Variants in NETO1 observed in about 807,000 individuals in gnomAD.
NETO1 encodes the protein neuropilin and tolloid like 1, also known as neuropilin and tolloid-like protein 1.
Under a neutral mutation model 61.3 loss-of-function variants are expected in NETO1, and 26 were observed. The observed-to-expected ratio is 0.42, with a 90% CI of 0.31 to 0.59. The LOEUF (loss-of-function observed/expected upper bound fraction) is 0.59. Ranked by LOEUF, NETO1 falls within the 20% of genes least tolerant of loss-of-function variation. NETO1 has a pLI of 0.12. For synonymous variants in NETO1, 225 were observed against 225.8 expected (o/e 1.00, Z 0.03); for missense variants, 531 against 662.8 (o/e 0.80, Z 2.18).
chr18:72,854,383 C>A (rs80146338), intron 4 of NETO1, among the ~76,000 whole-genome samples: 2 of 152,118 alleles, frequency 1.3e-5, no homozygotes, highest in Non-Finnish European at 2.9e-5. Flanking sequence ...AAAACTAGTA[C>A]AGGAAAACTA....
At chr18:72,773,302 C>T (rs1177590986) in intron 7 of NETO1, among the ~76,000 whole-genome samples, 1 of 152,028 alleles carries the variant, frequency 6.6e-6, no homozygotes, top group Non-Finnish European at 1.5e-5. Flanking sequence ...AGATAATCCC[C>T]CTTCTTTTGA....
chr18:72,841,084 T>C (rs1455820226), intron 4 of NETO1, among the ~76,000 whole-genome samples: 2 of 152,182 alleles, frequency 1.3e-5, no homozygotes, highest in Non-Finnish European at 2.9e-5. Context: ...AGCTGCTGTT[T>C]TGGTCTTCAG....
At chr18:72,863,999 C>A (rs1041055337) in intron 3 of NETO1, among the ~76,000 whole-genome samples, 2 of 152,108 alleles carry the variant, frequency 1.3e-5, no homozygotes, top group African/African-American at 4.8e-5. Flanking sequence ...GTCGGTGGAT[C>A]ACTTGAGGTC....
intron 4 of NETO1, among the ~76,000 whole-genome samples, chr18:72,841,788 C>T (rs1435414163): frequency 6.8e-6 from 1 of 147,532 alleles, no homozygotes; most frequent in East Asian, 2.0e-4. Context: ...GGAGCATGCC[C>T]GAAATGGAAC....
chr18:72,848,136 TATC>T (rs1365438490), intron 4 of NETO1, among the ~76,000 whole-genome samples: 2 of 152,206 alleles, frequency 1.3e-5, no homozygotes, highest in Non-Finnish European at 2.9e-5. Flanking sequence ...ATAATGTCCC[TATC>T]ATCAAGTCAA....
chr18:72,863,069 C>T (rs2074627835), intron 3 of NETO1, among the ~76,000 whole-genome samples: 1 of 152,140 alleles, frequency 6.6e-6, no homozygotes, highest in African/African-American at 2.4e-5. Context: ...TCATCAAAAT[C>T]TCACATTATT....
At chr18:72,826,602 A>G (rs2073381373) in intron 4 of NETO1, among the ~76,000 whole-genome samples, 1 of 151,126 alleles carries the variant, frequency 6.6e-6, no homozygotes, top group Non-Finnish European at 1.5e-5. Context: ...TTTCCTTTTA[A>G]TTCTCTGATG....
chr18:72,800,371 C>T (rs1307932330), intron 4 of NETO1, among the ~76,000 whole-genome samples: 1 of 152,180 alleles, frequency 6.6e-6, no homozygotes, highest in Non-Finnish European at 1.5e-5. Context: ...CCTGCTTCCA[C>T]TTCCTACATC....
In NETO1 at chr18:72,808,456, G is replaced by GT. The variant is rs1491239651; in HGVS notation, c.470-14053_470-14052insA. 2.3e-3 allele frequency among the ~76,000 whole-genome samples: 126 copies of GT among 55,966 alleles called. 1 individual carries two copies. Among genetic ancestry groups the GT allele is most frequent in the African/African-American group, 5.1e-3 (124 of 24,482 alleles). The allele number at this position is 55,966 out of a possible 152,430, so 36.7% of individuals were successfully genotyped here. A position where few individuals can be genotyped will look rare whatever the true frequency, so the allele number is the denominator to read the frequency against. ...GTGTGTGTGTGTGTGTGTGTGTGTG[G>GT]AGTGTGTGTGTGGTGAGGAGATGGC... On this transcript the variant is annotated intron_variant, in intron 4 of 10. Transcript: ENST00000327305.
At chr18:72,780,600 G>C (rs939438673) in intron 7 of NETO1, among the ~76,000 whole-genome samples, 1 of 152,058 alleles carries the variant, frequency 6.6e-6, no homozygotes, top group African/African-American at 2.4e-5. Flanking sequence ...TCCATTTTCA[G>C]ATCCAATCAC....
intron 4 of NETO1, among the ~76,000 whole-genome samples, chr18:72,845,409 T>C (rs1316807648): frequency 1.3e-5 from 2 of 152,210 alleles, no homozygotes; most frequent in Admixed American, 6.5e-5. Context: ...CATGCAACTA[T>C]TGTATATATA....
rs113913336 is a variant in NETO1 at position 72,828,049 on chromosome 18, A to T, written c.469+30777T>A. On this transcript the variant is annotated intron_variant, in intron 4 of 10. Transcript: ENST00000327305. ...AAAATGCAGCCAGGCGTGGTGGCTC[A>T]CGCCTGTAATCCCAACACTTTGTGA... Among the ~76,000 whole-genome samples the T allele has an allele frequency of 6.8e-3, 1,034 of 152,332 alleles. 6 individuals are homozygous for T. Among genetic ancestry groups the T allele is most frequent in the African/African-American group, 0.023 (951 of 41,578 alleles).
intron 7 of NETO1, among the ~76,000 whole-genome samples, 179 bp from the exon 8 acceptor site, chr18:72,756,326 A>G (rs1250417107): frequency 6.6e-6 from 1 of 152,144 alleles, no homozygotes; most frequent in Non-Finnish European, 1.5e-5. Flanking sequence ...TTGTGTTACT[A>G]AGAGTGCTGG....
At chr18:72,841,736 C>CAAAAAAAAAAA (rs10690867) in intron 4 of NETO1, among the ~76,000 whole-genome samples, 1 of 115,406 alleles carries the variant, frequency 8.7e-6, no homozygotes. Context: ...TCTACCTCAA[C>CAAAAAAAAAAA]AAAAAAAAAA....
At chr18:72,821,559 C>CAAAAA (rs11420100) in intron 4 of NETO1, among the ~76,000 whole-genome samples, 9 of 87,232 alleles carry the variant, frequency 1.0e-4, no homozygotes, top group African/African-American at 2.3e-4. Context: ...GGGTGAAACT[C>CAAAAA]AAAAAAAAAA....
intron 4 of NETO1, among the ~76,000 whole-genome samples, chr18:72,846,293 AG>A (rs1221858336): frequency 6.6e-6 from 1 of 151,714 alleles, no homozygotes; most frequent in African/African-American, 2.4e-5. Context: ...TCACGAGGTC[AG>A]GAGTTCAAGA....
intron 7 of NETO1, among the ~76,000 whole-genome samples, chr18:72,757,718 C>T (rs1286840961): frequency 6.6e-6 from 1 of 151,934 alleles, no homozygotes; most frequent in Non-Finnish European, 1.5e-5. Context: ...TTTAACAATC[C>T]AGTATATTAT....
chr18:72,763,131 C>CAT (rs2071034782), intron 7 of NETO1, among the ~76,000 whole-genome samples: 2 of 123,156 alleles, frequency 1.6e-5, no homozygotes, highest in Non-Finnish European at 3.8e-5. Context: ...TATTAGATTT[C>CAT]GTTTTTTTTT....
chr18:72,867,371 C>A lies in NETO1; in HGVS notation c.-80G>T. 8.0e-7 allele frequency: 1 copy of A among 1,248,806 alleles called. No individual in the cohort carries two copies. Among genetic ancestry groups the A allele is most frequent in the Non-Finnish European group, 1.1e-6 (1 of 903,130 alleles). 77.4% of individuals were successfully genotyped at this position (1,248,806 alleles called of 1,614,324 possible). A position where few individuals can be genotyped will look rare whatever the true frequency, so the allele number is the denominator to read the frequency against. On this transcript the variant is annotated 5_prime_UTR_variant, in exon 1 of 11. Coordinates refer to ENST00000327305, the MANE Select transcript of NETO1 (RefSeq NM_138966.5). ...AAGACTTCCAGTGGCGGGGGGAGGA[C>A]AGGGTCGAGAGGTGTTAAAGACGCA...
Sources: allele counts gnomAD v4.1 joint callset (sites outside exome capture counted in the v4.1 genomes callset), GRCh38; gene constraint gnomAD v4.1.1; transcripts MANE v1.5; gene names NCBI Gene and HGNC (gene_info 2026-07-23, HGNC 2026-07-21).